The following FRAS1 variants were observed in gnomAD, a reference collection of about 807,000 sequenced individuals.
FRAS1 encodes extracellular matrix organizing protein FRAS1.
FRAS1 carries 290 observed loss-of-function variants against 435.2 expected under a neutral mutation model. The observed-to-expected ratio is 0.67, with a 90% CI of 0.61 to 0.73. The LOEUF is 0.73. Among genes scored for constraint, FRAS1 ranks in the 30% least tolerant of loss-of-function variants. The pLI is 0.00. For missense variants in FRAS1, 4,860 were observed against 5,001.5 expected (o/e 0.97, Z 0.85); for synonymous variants, 1,800 against 1,851.0 (o/e 0.97, Z 0.71).
chr4:78,335,859 C>T (rs545274681), intron 19 of FRAS1, among the ~76,000 whole-genome samples: 1 of 149,484 alleles, frequency 6.7e-6, no homozygotes, highest in Non-Finnish European at 1.5e-5. Flanking sequence ...GGAATTGACA[C>T]AGTACTAAAA....
chr4:78,367,239 T>A (rs1731306545), intron 22 of FRAS1, among the ~76,000 whole-genome samples: 1 of 151,922 alleles, frequency 6.6e-6, no homozygotes, highest in Non-Finnish European at 1.5e-5. Context: ...ATCCTGTCTC[T>A]AGAAAAAATT....
chr4:78,086,802 G>C (rs1302413512), intron 2 of FRAS1, among the ~76,000 whole-genome samples: 1 of 152,120 alleles, frequency 6.6e-6, no homozygotes, highest in African/African-American at 2.4e-5. Context: ...ACCAAAAAAA[G>C]TCCAGGACCA....
chr4:78,251,445 A>G (rs886226265), intron 4 of FRAS1, among the ~76,000 whole-genome samples: 2 of 152,232 alleles, frequency 1.3e-5, no homozygotes, highest in African/African-American at 4.8e-5. Flanking sequence ...TTGGATATGC[A>G]TATATATTGT....
At chr4:78,271,625 C>T (rs1014803713) in intron 9 of FRAS1, among the ~76,000 whole-genome samples, 1 of 152,184 alleles carries the variant, frequency 6.6e-6, no homozygotes, top group Non-Finnish European at 1.5e-5. Context: ...TCATCCATGT[C>T]CCTACAATGG....
chr4:78,218,897 C>T (rs1723921753), intron 2 of FRAS1, among the ~76,000 whole-genome samples: 1 of 152,156 alleles, frequency 6.6e-6, no homozygotes, highest in Non-Finnish European at 1.5e-5. Context: ...AGAAAATGAT[C>T]ATTAAAACAA....
intron 2 of FRAS1, among the ~76,000 whole-genome samples, chr4:78,234,340 C>G (rs1724647649): frequency 6.6e-6 from 1 of 152,038 alleles, no homozygotes; most frequent in South Asian, 2.1e-4. Context: ...ATTCTCCTGC[C>G]TCTGCCTCCC....
chr4:78,391,390 A>C (rs1304513677), intron 29 of FRAS1, among the ~76,000 whole-genome samples: 1 of 152,210 alleles, frequency 6.6e-6, no homozygotes, highest in Non-Finnish European at 1.5e-5. Flanking sequence ...GGTAATAAAG[A>C]ATGCGTTGCT....
At chr4:78,071,584 C>T (rs547226174) in intron 2 of FRAS1, 2 of 152,214 alleles carry the variant, frequency 1.3e-5, no homozygotes, top group East Asian at 1.9e-4. Flanking sequence ...AGCCCAGTAT[C>T]GTGTAGTAGA....
At chr4:78,181,450 A>G in intron 2 of FRAS1, 1 of 1,611,890 alleles carries the variant, frequency 6.2e-7, no homozygotes, top group Admixed American at 1.7e-5. Context: ...AAGATCTATC[A>G]CTTCCACTAT....
intron 5 of FRAS1, among the ~76,000 whole-genome samples, chr4:78,254,496 C>T (rs758717827): frequency 1.3e-5 from 2 of 152,134 alleles, no homozygotes; most frequent in African/African-American, 4.8e-5. Flanking sequence ...GACTGACAGA[C>T]ATTTTGGGCT....
intron 2 of FRAS1, among the ~76,000 whole-genome samples, chr4:78,103,488 C>G (rs1012459916): frequency 1.3e-5 from 2 of 152,070 alleles, no homozygotes; most frequent in Non-Finnish European, 2.9e-5. Context: ...GTGAGCCTAG[C>G]AGGGATGTGC....
intron 4 of FRAS1, among the ~76,000 whole-genome samples, chr4:78,249,035 A>C (rs946978972): frequency 4.0e-5 from 4 of 100,208 alleles, no homozygotes; most frequent in South Asian, 1.0e-3. Flanking sequence ...ATAAACGTGT[A>C]TGAAGAACTA....
intron 2 of FRAS1, among the ~76,000 whole-genome samples, chr4:78,164,656 T>C (rs1304378790): frequency 1.3e-5 from 2 of 152,106 alleles, no homozygotes; most frequent in African/African-American, 2.4e-5. Context: ...TTTAAAAATA[T>C]GTTGATTATT....
intron 4 of FRAS1, among the ~76,000 whole-genome samples, chr4:78,247,999 C>A (rs927878702): frequency 2.0e-5 from 3 of 152,126 alleles, no homozygotes; most frequent in Non-Finnish European, 2.9e-5. Flanking sequence ...CTAAGGGCTG[C>A]GTGAGAAGAC....
chr4:78,434,620 C>G (rs909955757), intron 38 of FRAS1, among the ~76,000 whole-genome samples: 1 of 151,954 alleles, frequency 6.6e-6, no homozygotes, highest in Non-Finnish European at 1.5e-5. Context: ...AAAATTGATG[C>G]TATGACTGAC....
intron 2 of FRAS1, among the ~76,000 whole-genome samples, chr4:78,112,682 A>C (rs1310516550): frequency 6.6e-6 from 1 of 152,108 alleles, no homozygotes; most frequent in African/African-American, 2.4e-5. Flanking sequence ...TGGCCAAACC[A>C]AAACAATCAA....
intron 2 of FRAS1, among the ~76,000 whole-genome samples, chr4:78,218,096 T>TCACACACACA (rs1331078788): frequency 0.029 from 306 of 10,720 alleles, 14 homozygotes; most frequent in Non-Finnish European, 0.093. Context: ...TCTCACTCTC[T>TCACACACACA]CTCACACACA....
chr4:78,363,656 G>A lies in FRAS1; in HGVS notation c.2566G>A (p.Ala856Thr). The stretch of plus-strand genomic sequence containing the variant: ...TTCAGGATACTATGCAGAGAGAGGA[G>A]CTTGTAAAAGTGAGTAAGTGCTGGA... ...CPSGYYAERG[A>T]CKKCHSSCRT... The change falls in exon 21 of 74, where the codon GCT (alanine) becomes ACT (threonine). Residue 856 changes from alanine to threonine, a missense_variant. Physicochemically the swap from Ala to Thr is moderately conservative, Grantham distance 58. Transcript: ENST00000512123. 6.3e-7 allele frequency: 1 copy of A among 1,587,694 alleles called. No homozygotes were observed. The highest frequency in any genetic ancestry group is 8.6e-7 in the Non-Finnish European group (1 of 1,166,968).
Position 78,125,772 on chromosome 4 carries a change from G to C in FRAS1, c.108+59756G>C, listed in dbSNP as rs565740619. 9.3e-4 allele frequency among the ~76,000 whole-genome samples: 142 copies of C among 152,258 alleles called. 2 individuals carry two copies. The Middle Eastern group carries it at 0.01, about 11-fold the overall frequency. ...GGAAGCTTCGTCCCAGAGGGCACCC[G>C]CCTGTTTGAGATGTCTGTCAGCCCC... On this transcript the variant is annotated intron_variant, in intron 2 of 73. Coordinates refer to ENST00000512123, the MANE Select transcript of FRAS1 (RefSeq NM_025074.7).
Sources: gnomAD v4.1 joint callset for allele counts (sites outside exome capture counted in the v4.1 genomes callset) on GRCh38, gnomAD v4.1.1 for gene constraint, MANE v1.5 for transcripts, NCBI Gene and HGNC (gene_info 2026-07-23, HGNC 2026-07-21) for gene names.